Variants in MAP2K5 observed in about 807,000 individuals in gnomAD.
MAP2K5 encodes the protein dual specificity mitogen-activated protein kinase kinase 5.
In MAP2K5, 49 loss-of-function variants were observed where a neutral mutation model predicts 83.1. The observed-to-expected ratio is 0.59, with a 90% confidence interval of 0.47 to 0.75. The LOEUF (loss-of-function observed/expected upper bound fraction) is 0.75, where lower values mean the gene tolerates loss of function less well. MAP2K5 is among the 30% of genes least tolerant of loss of function. MAP2K5 has a pLI of 0.00. For missense variants in MAP2K5, 457 were observed against 557.5 expected, an observed-to-expected ratio of 0.82 and a Z score of 1.82; for synonymous variants, 202 against 191.8, an observed-to-expected ratio of 1.05 and a Z score of -0.44.
Position 67,757,341 on chromosome 15 carries a change from A to C in MAP2K5, c.1134+8740A>C, listed in dbSNP as rs1159241796. On this transcript the variant is annotated intron_variant, in intron 19 of 21. Transcript: ENST00000178640. This position sits in a 1 kb window ranked among gnomAD's most constrained non-coding sequence, Gnocchi z 4.9. ...CAGATTATGTCTTCCCATTGATTCA[A>C]TAGTTGATGTTCACACATTTCTAAA... Among the ~76,000 whole-genome samples, 2 of 152,194 alleles carry C rather than the reference A, an allele frequency of 1.3e-5. No individual in the cohort carries two copies. Among genetic ancestry groups the C allele is most frequent in the Non-Finnish European group, 2.9e-5 (2 of 68,042 alleles).
intron 11 of MAP2K5, among the ~76,000 whole-genome samples, chr15:67,648,896 T>G (rs1327896351): frequency 1.3e-5 from 2 of 152,196 alleles, no homozygotes; most frequent in African/African-American, 2.4e-5. Context: ...TCAGTTCTTT[T>G]GGGTATATAC....
chr15:67,722,614 G>A lies in MAP2K5; in HGVS notation c.1045-5302G>A, dbSNP rs1257131052. On this transcript the variant is annotated intron_variant, in intron 16 of 21. Transcript: ENST00000178640. This position sits in a 1 kb window ranked among gnomAD's most constrained non-coding sequence, Gnocchi z 4.2. ...TTTATTATGGTTCTTCACCAGCATA[G>A]TTTCAGATGATTTAAACTCTTTCTC... 1.3e-5 allele frequency among the ~76,000 whole-genome samples: 2 copies of A among 152,174 alleles called. No individual in the cohort carries two copies. Among genetic ancestry groups the A allele is most frequent in the South Asian group, 2.1e-4 (1 of 4,832 alleles).
intron 1 of MAP2K5, among the ~76,000 whole-genome samples, chr15:67,544,551 G>A (rs138540541): frequency 1.1e-4 from 17 of 152,138 alleles, no homozygotes; most frequent in African/African-American, 4.1e-4. Context: ...CATTGACTTA[G>A]TAGGTTTCTT....
intron 15 of MAP2K5, among the ~76,000 whole-genome samples, chr15:67,699,143 T>A (rs1053967678): frequency 1.3e-5 from 2 of 151,454 alleles, no homozygotes; most frequent in East Asian, 1.9e-4. Context: ...TTTTTTTTTT[T>A]AAACCATCTC....
In MAP2K5 at chr15:67,802,801, T is replaced by C. The variant is rs2090730476; in HGVS notation, c.1243-3845T>C. ...ACCATGCCGCGCTTCCATTGTTCCT[T>C]ATAGCCTGATGGGGCTGCAAGAGCT... On this transcript the variant is annotated intron_variant, in intron 21 of 21. Transcript: ENST00000178640. The surrounding 1 kb of genome is among the most constrained non-coding windows in gnomAD (Gnocchi z 5.0). 1.3e-5 allele frequency among the ~76,000 whole-genome samples: 2 copies of C among 152,342 alleles called. No homozygotes were observed. The highest frequency in any genetic ancestry group is 3.4e-3 in the Middle Eastern group (1 of 294).
intron 9 of MAP2K5, chr15:67,641,590 A>T: frequency 1.0e-6 from 1 of 996,880 alleles, no homozygotes; most frequent in Non-Finnish European, 1.2e-6. Flanking sequence ...TTGACTGCTT[A>T]TATTTAACTT....
At chr15:67,728,032 A>G (rs2089138920) in intron 17 of MAP2K5, 87 bp downstream of exon 17, 1 of 1,081,428 alleles carries the variant, frequency 9.2e-7, no homozygotes, top group Non-Finnish European at 1.4e-6. Context: ...CATTTGAGCC[A>G]CATACAAATA....
intron 8 of MAP2K5, among the ~76,000 whole-genome samples, chr15:67,610,315 C>G (rs1231618241): frequency 6.6e-6 from 1 of 152,176 alleles, no homozygotes; most frequent in East Asian, 1.9e-4. Context: ...TTGGTCTACC[C>G]TTTGGGTGTC....
At chr15:67,612,853 A>C (rs1315518067) in intron 8 of MAP2K5, among the ~76,000 whole-genome samples, 4 of 152,214 alleles carry the variant, frequency 2.6e-5, no homozygotes, top group Non-Finnish European at 5.9e-5. Context: ...CTAAATTGCC[A>C]ATGAGCCCCT....
At position 67,677,174 on chromosome 15, in the gene MAP2K5, TG is replaced by T. The variant is rs2141177322; in HGVS notation, c.847+12532del. Among the ~76,000 whole-genome samples the T allele has an allele frequency of 6.6e-6, 1 of 152,334 alleles. No homozygotes were observed. The highest frequency in any genetic ancestry group is 1.9e-4 in the East Asian group (1 of 5,190). On this transcript the variant is annotated intron_variant, in intron 13 of 21. Coordinates refer to ENST00000178640, the MANE Select transcript of MAP2K5 (RefSeq NM_145160.3). This position sits in a 1 kb window ranked among gnomAD's most constrained non-coding sequence, Gnocchi z 4.2. ...TCACCCAACTATTCACTGCCAAAGCTGGGATAATCCATCCTATTAGTTCCAA... is the reference window on the plus strand; with the variant it reads ...TCACCCAACTATTCACTGCCAAAGCTGGATAATCCATCCTATTAGTTCCAA...
At chr15:67,669,648 A>G (rs554224752) in intron 13 of MAP2K5, among the ~76,000 whole-genome samples, 3 of 152,234 alleles carry the variant, frequency 2.0e-5, no homozygotes, top group East Asian at 1.9e-4. Context: ...GTGATTCTGG[A>G]TATATTTTAA....
chr15:67,799,452 C>T (rs1271677547), intron 21 of MAP2K5, among the ~76,000 whole-genome samples: 1 of 152,240 alleles, frequency 6.6e-6, no homozygotes, highest in Non-Finnish European at 1.5e-5. Context: ...ACAACCCACT[C>T]CGGGAGGAAG....
In MAP2K5 at chr15:67,736,898, C is replaced by A. The variant is rs1248507705; in HGVS notation, c.1074+8953C>A. On this transcript the variant is annotated intron_variant, in intron 17 of 21. Transcript: ENST00000178640. The surrounding 1 kb of genome is among the most constrained non-coding windows in gnomAD (Gnocchi z 4.3). Reference sequence around the variant, plus strand: ...ACTTTATGGAATCATAGGATTTCAGCATGTGAAGAGATCTTACAATGATCT... The same window carrying A: ...ACTTTATGGAATCATAGGATTTCAGAATGTGAAGAGATCTTACAATGATCT... Among the ~76,000 whole-genome samples, 1 of 152,186 alleles carries A rather than the reference C, an allele frequency of 6.6e-6. No individual in the cohort carries two copies. The highest frequency in any genetic ancestry group is 1.5e-5 in the Non-Finnish European group (1 of 68,040).
Position 67,769,694 on chromosome 15 carries a change from C to T in MAP2K5, c.1196+31C>T. On this transcript the variant is annotated intron_variant, in intron 20 of 21. Transcript: ENST00000178640. The surrounding 1 kb of genome is among the most constrained non-coding windows in gnomAD (Gnocchi z 5.2). ...CCCGTTTACAAACATGCCATGCCCT[C>T]AATGTAAATGATACATGCCATTAAC... is the stretch of plus-strand genomic sequence containing the variant. The T allele has an allele frequency of 3.7e-6, 6 of 1,608,468 alleles. No homozygotes were observed. The highest frequency in any genetic ancestry group is 3.4e-6 in the Non-Finnish European group (4 of 1,175,216).
chr15:67,703,216 G>A, intron 15 of MAP2K5, 121 bp from the exon 16 acceptor site: 1 of 675,682 alleles, frequency 1.5e-6, no homozygotes, highest in Admixed American at 2.5e-5. Context: ...AAATTGTTTT[G>A]TCATCCGTAA....
At chr15:67,753,916 C>A (rs1002831980) in intron 19 of MAP2K5, among the ~76,000 whole-genome samples, 1 of 152,152 alleles carries the variant, frequency 6.6e-6, no homozygotes, top group Non-Finnish European at 1.5e-5. Context: ...ACATTCATAG[C>A]GGCATTATTC....
At chr15:67,737,692 T>C (rs896508321) in intron 17 of MAP2K5, among the ~76,000 whole-genome samples, 1 of 152,056 alleles carries the variant, frequency 6.6e-6, no homozygotes, top group African/African-American at 2.4e-5. Flanking sequence ...TGTCTGTTTA[T>C]GCACAGAGCC....
chr15:67,743,415 T>C (rs1355310805), intron 17 of MAP2K5, among the ~76,000 whole-genome samples: 1 of 152,238 alleles, frequency 6.6e-6, no homozygotes, highest in Admixed American at 6.5e-5. Flanking sequence ...AAGTGAATTA[T>C]ACGTGTTCAC....
intron 7 of MAP2K5, among the ~76,000 whole-genome samples, chr15:67,597,713 A>T (rs1425428302): frequency 6.6e-6 from 1 of 152,152 alleles, no homozygotes; most frequent in Non-Finnish European, 1.5e-5. Flanking sequence ...ATTTTTTCAT[A>T]GTTAAGATCA....
Sources: gnomAD v4.1 joint callset for allele counts (sites outside exome capture counted in the v4.1 genomes callset) on GRCh38, gnomAD v4.1.1 for gene constraint, Gnocchi (gnomAD v3.1) non-coding constraint, MANE v1.5 for transcripts, NCBI Gene and HGNC (gene_info 2026-07-23, HGNC 2026-07-21) for gene names.